Variants in TAOK3 observed in about 807,000 individuals in gnomAD.
TAOK3 encodes the protein serine/threonine-protein kinase TAO3.
TAOK3 carries 40 observed loss-of-function variants against 120.4 expected under a neutral mutation model. That is an observed-to-expected ratio of 0.33 (90% CI 0.26 to 0.43). The LOEUF (loss-of-function observed/expected upper bound fraction) is 0.43, where lower values mean the gene tolerates loss of function less well. Among genes scored for constraint, TAOK3 ranks in the 20% least tolerant of loss-of-function variants. The pLI is 1.00. For synonymous variants in TAOK3, 355 were observed against 387.5 expected (o/e 0.92, Z 0.99); for missense variants, 821 against 1,112.1 (o/e 0.74, Z 3.72).
intron 1 of TAOK3, among the ~76,000 whole-genome samples, chr12:118,285,674 A>AT (rs1216518679): frequency 6.6e-6 from 1 of 152,206 alleles, no homozygotes; most frequent in Admixed American, 6.5e-5. Context: ...ATGCTATATA[A>AT]TTTTTAAATA....
At chr12:118,289,275 G>T (rs1593424931) in intron 1 of TAOK3, among the ~76,000 whole-genome samples, 1 of 141,862 alleles carries the variant, frequency 7.0e-6, no homozygotes, top group Non-Finnish European at 1.5e-5. Flanking sequence ...CTCAAGCCTG[G>T]GTGACACACC....
At chr12:118,360,167 AGGCAGGAGAATCAC>A in intron 1 of TAOK3, among the ~76,000 whole-genome samples, 1 of 152,088 alleles carries the variant, frequency 6.6e-6, no homozygotes, top group East Asian at 1.9e-4. Context: ...CGGGAGGCTG[AGGCAGGAGAATCAC>A]TTGAACCCAG....
At position 118,191,696 on chromosome 12, in the gene TAOK3, T is replaced by C. The variant is rs545808459; in HGVS notation, c.1195-1755A>G. Among the ~76,000 whole-genome samples, 10 of 152,256 alleles carry C rather than the reference T, an allele frequency of 6.6e-5. No homozygotes were observed. In the East Asian group the frequency reaches 1.7e-3, roughly 26 times the overall value. On this transcript the variant is annotated intron_variant, in intron 13 of 20. Coordinates refer to ENST00000392533, the MANE Select transcript of TAOK3 (RefSeq NM_016281.4). The stretch of plus-strand genomic sequence containing the variant: ...CAGGGAAGAGCGAGAACGTGTGTAA[T>C]TGGGATTCATTCACTAGGCTTAAGG...
chr12:118,322,630 T>C (rs1269886595), intron 1 of TAOK3, among the ~76,000 whole-genome samples: 1 of 151,932 alleles, frequency 6.6e-6, no homozygotes, highest in Admixed American at 6.6e-5. Flanking sequence ...CTTATGAACA[T>C]TGAAATTTGA....
intron 2 of TAOK3, among the ~76,000 whole-genome samples, chr12:118,263,861 T>A (rs1157278830): frequency 6.6e-6 from 1 of 151,192 alleles, no homozygotes; most frequent in Admixed American, 6.6e-5. Context: ...AGGTCAGGAG[T>A]TCAAGACCAG....
intron 1 of TAOK3, among the ~76,000 whole-genome samples, chr12:118,312,512 C>T (rs1392625930): frequency 6.6e-6 from 1 of 152,074 alleles, no homozygotes; most frequent in African/African-American, 2.4e-5. Flanking sequence ...TAGACGGTAG[C>T]AAGGGATGTT....
chr12:118,244,874 T>TA lies in TAOK3; in HGVS notation c.192+19dup, dbSNP rs1566004926. The TA allele has an allele frequency of 6.4e-7, 1 of 1,572,980 alleles. No homozygotes were observed. Among genetic ancestry groups the TA allele is most frequent in the Admixed American group, 1.7e-5 (1 of 59,676 alleles). ...TAACTTGTTTATTTCAGTTTAGGTATACAACTGTCTCTATCTCACCTCATG... is the reference window on the plus strand; with the variant it reads ...TAACTTGTTTATTTCAGTTTAGGTATAACAACTGTCTCTATCTCACCTCATG... On this transcript the variant is annotated intron_variant, in intron 4 of 20. Coordinates refer to ENST00000392533, the MANE Select transcript of TAOK3 (RefSeq NM_016281.4).
chr12:118,315,825 T>G (rs2043437594), intron 1 of TAOK3, among the ~76,000 whole-genome samples: 1 of 152,000 alleles, frequency 6.6e-6, no homozygotes, highest in Non-Finnish European at 1.5e-5. Flanking sequence ...AAAAAATTGG[T>G]TAGGGTAAAA....
At chr12:118,339,227 C>T (rs1365171654) in intron 1 of TAOK3, among the ~76,000 whole-genome samples, 2 of 150,304 alleles carry the variant, frequency 1.3e-5, no homozygotes, top group Non-Finnish European at 2.9e-5. Flanking sequence ...AGCTGAGAAA[C>T]CAACACAAGA....
intron 12 of TAOK3, chr12:118,200,587 G>A (rs1212109388): frequency 2.0e-5 from 3 of 152,106 alleles, no homozygotes; most frequent in African/African-American, 7.2e-5. Flanking sequence ...AGGTCATCAA[G>A]GATTCTCTAA....
intron 1 of TAOK3, among the ~76,000 whole-genome samples, chr12:118,307,225 C>CG (rs946136660): frequency 6.6e-6 from 1 of 151,924 alleles, no homozygotes; most frequent in African/African-American, 2.4e-5. Flanking sequence ...CTCCTCTTCC[C>CG]CCCCCCATCT....
chr12:118,231,102 T>C (rs184492596), intron 9 of TAOK3, among the ~76,000 whole-genome samples: 143 of 152,280 alleles, frequency 9.4e-4, no homozygotes, highest in Non-Finnish European at 1.4e-3. Flanking sequence ...CAGAACCACA[T>C]ATATACGTTA....
intron 1 of TAOK3, among the ~76,000 whole-genome samples, chr12:118,355,585 T>A (rs1257999042): frequency 2.6e-5 from 4 of 152,228 alleles, no homozygotes; most frequent in Non-Finnish European, 4.4e-5. Flanking sequence ...ATCGGTGGAT[T>A]TCATCCCTGT....
intron 1 of TAOK3, among the ~76,000 whole-genome samples, chr12:118,291,610 T>C (rs1251048552): frequency 1.3e-5 from 2 of 152,208 alleles, no homozygotes; most frequent in African/African-American, 4.8e-5. Context: ...CATTACTTTA[T>C]TAAACTACAT....
At chr12:118,182,624 T>TATATATATATATATATA (rs371618546) in intron 14 of TAOK3, among the ~76,000 whole-genome samples, 32 of 59,278 alleles carry the variant, frequency 5.4e-4, no homozygotes, top group African/African-American at 1.7e-3. Context: ...TATATATATA[T>TATATATATATATATATA]TTTTTTTTTT....
intron 9 of TAOK3, among the ~76,000 whole-genome samples, chr12:118,222,813 T>C (rs973147669): frequency 6.6e-6 from 1 of 152,068 alleles, no homozygotes; most frequent in African/African-American, 2.4e-5. Context: ...AAAGACTACG[T>C]ATTGGGTACA....
chr12:118,269,031 CAAAAGAAAAGAA>C (rs1188259248), intron 1 of TAOK3, among the ~76,000 whole-genome samples: 3 of 151,704 alleles, frequency 2.0e-5, no homozygotes, highest in Non-Finnish European at 4.4e-5. Flanking sequence ...GAAAAGAAAA[CAAAAGAAAAGAA>C]AAAAGAAAAG....
intron 1 of TAOK3, among the ~76,000 whole-genome samples, chr12:118,366,033 A>C (rs2045732272): frequency 6.6e-6 from 1 of 152,120 alleles, no homozygotes; most frequent in Admixed American, 6.6e-5. Flanking sequence ...GGGAGGCTGA[A>C]GCAGGCGATC....
intron 2 of TAOK3, among the ~76,000 whole-genome samples, chr12:118,264,586 G>A (rs1021044155): frequency 3.3e-5 from 5 of 152,162 alleles, no homozygotes; most frequent in African/African-American, 1.2e-4. Context: ...AAAGGAGTAG[G>A]TAGGAGGGGC....
Sources: gnomAD v4.1 joint callset for allele counts (sites outside exome capture counted in the v4.1 genomes callset) on GRCh38, gnomAD v4.1.1 for gene constraint, MANE v1.5 for transcripts, NCBI Gene and HGNC (gene_info 2026-07-23, HGNC 2026-07-21) for gene names.